SCNN1B: variants seen among roughly 807,000 people sequenced by gnomAD.
SCNN1B encodes sodium channel epithelial 1 subunit beta.
SCNN1B carries 46 observed loss-of-function variants against 65.3 expected under a neutral mutation model. That is an observed-to-expected ratio of 0.70 (90% confidence interval 0.56 to 0.90). The LOEUF (loss-of-function observed/expected upper bound fraction) is 0.90. SCNN1B is among the 40% of genes least tolerant of loss of function. The pLI, the probability that SCNN1B is intolerant of heterozygous loss-of-function variation, is 0.00. For missense variants in SCNN1B, 751 were observed against 830.5 expected, an observed-to-expected ratio of 0.90 and a Z score of 1.18; for synonymous variants, 349 against 330.6, an observed-to-expected ratio of 1.06 and a Z score of -0.60.
At chr16:23,309,266 G>A (rs777745790) in intron 1 of SCNN1B, among the ~76,000 whole-genome samples, 1 of 152,078 alleles carries the variant, frequency 6.6e-6, no homozygotes, top group Non-Finnish European at 1.5e-5. Context: ...GGGCAAACTC[G>A]ACTTTTAGAG....
At chr16:23,325,743 C>T (rs1020058807) in intron 1 of SCNN1B, among the ~76,000 whole-genome samples, 2 of 151,976 alleles carry the variant, frequency 1.3e-5, no homozygotes, top group East Asian at 3.9e-4. Flanking sequence ...ATCCTTACAC[C>T]AGGGTTGTAC....
At chr16:23,300,568 G>A (rs1373008276), upstream of SCNN1B, among the ~76,000 whole-genome samples, 3 of 151,974 alleles carry the variant, frequency 2.0e-5, no homozygotes, top group Non-Finnish European at 4.4e-5. Context: ...AGGCATGATG[G>A]CTCACACCTG....
rs1961190377 is a variant in SCNN1B, at chr16:23,305,562, A to AT, written c.-9+3126dup. On this transcript the variant is annotated intron_variant, in intron 1 of 12. Transcript: ENST00000343070. ...TATATATATATATATATATATATAT[A>AT]TATATATATATATATTATATATATA... Among the ~76,000 whole-genome samples the AT allele has an allele frequency of 9.4e-5, 4 of 42,530 alleles. 1 individual carries two copies. Among genetic ancestry groups the AT allele is most frequent in the African/African-American group, 6.2e-4 (4 of 6,442 alleles). 27.9% of individuals were successfully genotyped at this position (42,530 alleles called of 152,430 possible). A position where few individuals can be genotyped will look rare whatever the true frequency, so the allele number is the denominator to read the frequency against.
In SCNN1B at chr16:23,335,534, G is replaced by A. The variant is rs36019344; in HGVS notation, c.-8-13058G>A. 8.3e-3 allele frequency among the ~76,000 whole-genome samples: 1,237 copies of A among 149,584 alleles called. 6 individuals are homozygous for A. Among genetic ancestry groups the A allele is most frequent in the Non-Finnish European group, 0.01 (695 of 67,688 alleles). ...GCAGGCTTGGCTCACTGCAACCTCC[G>A]CATCCCAGGTTCAAGCGATTCTCCT... On this transcript the variant is annotated intron_variant, in intron 1 of 12. Transcript: ENST00000343070.
At chr16:23,372,031 C>A in intron 7 of SCNN1B, 148 bp downstream of exon 7, 1 of 705,682 alleles carries the variant, frequency 1.4e-6, no homozygotes. Context: ...GCCTGTGGGA[C>A]CAGTCACTTT....
At chr16:23,302,617 T>C (rs1387291380) in intron 1 of SCNN1B, among the ~76,000 whole-genome samples, 180 bp downstream of exon 1, 1 of 151,628 alleles carries the variant, frequency 6.6e-6, no homozygotes, top group Non-Finnish European at 1.5e-5. Context: ...ACTGAACGGG[T>C]TGGGGGCGGA....
chr16:23,303,121 C>T (rs544549644), intron 1 of SCNN1B, among the ~76,000 whole-genome samples: 7 of 152,130 alleles, frequency 4.6e-5, no homozygotes, highest in Non-Finnish European at 1.0e-4. Context: ...AAGTTGATGT[C>T]TGGACAATGT....
intron 1 of SCNN1B, among the ~76,000 whole-genome samples, chr16:23,320,416 G>A (rs1411328581): frequency 1.3e-5 from 2 of 152,158 alleles, no homozygotes; most frequent in Admixed American, 1.3e-4. Flanking sequence ...AGGGTTGGGG[G>A]GCCCCGCAGT....
chr16:23,304,077 G>GA, intron 1 of SCNN1B: 1 of 1,535,950 alleles, frequency 6.5e-7, no homozygotes, highest in Non-Finnish European at 8.7e-7. Context: ...CTACCGATGG[G>GA]AATTTAGGTG....
At chr16:23,305,583 A>ATATATATATATATATAAATAT (rs1961199399) in intron 1 of SCNN1B, among the ~76,000 whole-genome samples, 1 of 93,180 alleles carries the variant, frequency 1.1e-5, no homozygotes, top group African/African-American at 4.2e-5. Context: ...TATATTATAT[A>ATATATATATATATATAAATAT]TATATATATA....
At chr16:23,311,850 T>C (rs1340066449) in intron 1 of SCNN1B, among the ~76,000 whole-genome samples, 4 of 151,758 alleles carry the variant, frequency 2.6e-5, no homozygotes, top group African/African-American at 4.8e-5. Context: ...GGAAAGGAGA[T>C]AGGGAAGAGG....
intron 4 of SCNN1B, among the ~76,000 whole-genome samples, chr16:23,356,625 TA>T (rs932663480): frequency 2.1e-3 from 91 of 43,848 alleles, no homozygotes; most frequent in African/African-American, 2.9e-3. Flanking sequence ...CCCTGTCTCT[TA>T]AAAAAAAAAA....
At chr16:23,339,852 C>A (rs952357345) in intron 1 of SCNN1B, among the ~76,000 whole-genome samples, 1 of 152,098 alleles carries the variant, frequency 6.6e-6, no homozygotes, top group African/African-American at 2.4e-5. Context: ...CAGGTGTGAG[C>A]CACCGCGCCT....
chr16:23,338,430 A>G (rs565748997), intron 1 of SCNN1B, among the ~76,000 whole-genome samples: 86 of 152,366 alleles, frequency 5.6e-4, no homozygotes, highest in African/African-American at 2.0e-3. Context: ...AGATTTTTCA[A>G]TAACCAGAGT....
chr16:23,358,345 A>G (rs981133326), intron 4 of SCNN1B: 1 of 152,178 alleles, frequency 6.6e-6, no homozygotes, highest in Non-Finnish European at 1.5e-5. Flanking sequence ...GTAGGGGGTA[A>G]GTGTAATGAA....
At position 23,380,859 on chromosome 16, in the gene SCNN1B, C is replaced by G; in HGVS notation, c.*58C>G. 1 of 1,587,300 alleles carries G rather than the reference C, an allele frequency of 6.3e-7. No homozygotes were observed. The highest frequency in any genetic ancestry group is 8.6e-7 in the Non-Finnish European group (1 of 1,158,690). ...TCACTGAGCAGCCAAGACTGTTGCC[C>G]GAGGCCTCACTGTATGGTGCCCTCT... On this transcript the variant is annotated 3_prime_UTR_variant, in exon 13 of 13. Transcript: ENST00000343070. The surrounding 1 kb of genome is among the most constrained non-coding windows in gnomAD (Gnocchi z 5.4).
intron 3 of SCNN1B, among the ~76,000 whole-genome samples, chr16:23,354,364 G>A (rs1447306533): frequency 6.6e-6 from 1 of 152,260 alleles, no homozygotes; most frequent in African/African-American, 2.4e-5. Flanking sequence ...GGCCGGGCGT[G>A]TTGGGAAGGG....
At chr16:23,321,798 G>T (rs1274871606) in intron 1 of SCNN1B, among the ~76,000 whole-genome samples, 1 of 152,154 alleles carries the variant, frequency 6.6e-6, no homozygotes, top group Non-Finnish European at 1.5e-5. Context: ...CGAAGCAAGA[G>T]AATCGCTTGA....
chr16:23,355,542 GC>G, intron 4 of SCNN1B, 53 bp downstream of exon 4: 1 of 1,579,556 alleles, frequency 6.3e-7, no homozygotes, highest in South Asian at 1.1e-5. Flanking sequence ...AGAGACAGTG[GC>G]ATGTTACGGT....
Sources: gnomAD v4.1 joint callset for allele counts (sites outside exome capture counted in the v4.1 genomes callset) on GRCh38, gnomAD v4.1.1 for gene constraint, Gnocchi (gnomAD v3.1) non-coding constraint, MANE v1.5 for transcripts, NCBI Gene and HGNC (gene_info 2026-07-23, HGNC 2026-07-21) for gene names.